The following RAD17 variants were observed in gnomAD, a reference collection of about 807,000 sequenced individuals.
The protein encoded by RAD17 is RAD17 checkpoint clamp loader component.
Under a neutral mutation model 81.5 loss-of-function variants are expected in RAD17, and 31 were observed. That is an observed-to-expected ratio of 0.38 (90% CI 0.29 to 0.51). The LOEUF is 0.51. RAD17 is among the 20% of genes least tolerant of loss of function. The pLI is 0.88. For missense variants in RAD17, 681 were observed against 781.2 expected (o/e 0.87, Z 1.53); for synonymous variants, 261 against 266.2 (o/e 0.98, Z 0.19).
At chr5:69,411,879 G>A (rs1335996280) in intron 18 of RAD17, among the ~76,000 whole-genome samples, 1 of 152,192 alleles carries the variant, frequency 6.6e-6, no homozygotes. Flanking sequence ...ATTTACACAA[G>A]GCTAAATTGA....
intron 6 of RAD17, 84 bp downstream of exon 6, chr5:69,374,795 ATGAT>A: frequency 8.3e-7 from 1 of 1,197,798 alleles, no homozygotes; most frequent in East Asian, 2.4e-5. Flanking sequence ...AAGTTTTATG[ATGAT>A]TTTGTTCAAA....
At chr5:69,409,786 T>C (rs778480432) in intron 17 of RAD17, among the ~76,000 whole-genome samples, 2 of 152,222 alleles carry the variant, frequency 1.3e-5, no homozygotes, top group Non-Finnish European at 2.9e-5. Context: ...TCCGAAACTT[T>C]TGCTTCTTGC....
intron 16 of RAD17, 94 bp downstream of exon 16, chr5:69,396,640 CAA>C: frequency 8.1e-7 from 1 of 1,233,950 alleles, no homozygotes. Flanking sequence ...TAAAACATAA[CAA>C]AGGAAAAAAT....
intron 17 of RAD17, among the ~76,000 whole-genome samples, chr5:69,406,639 AC>A (rs1393195852): frequency 1.3e-5 from 2 of 151,428 alleles, no homozygotes; most frequent in African/African-American, 4.9e-5. Flanking sequence ...GTAGCTGGTA[AC>A]CACAGGTGCG....
In RAD17 at chr5:69,377,539, G is replaced by A. The variant is rs1430170004; in HGVS notation, c.351+2828G>A. Among the ~76,000 whole-genome samples the A allele has an allele frequency of 2.3e-4, 4 of 17,250 alleles. 1 individual carries two copies. The highest frequency in any genetic ancestry group is 1.8e-3 in the South Asian group (1 of 546). The allele number at this position is 17,250 out of a possible 152,430, so 11.3% of individuals were successfully genotyped here. A position where few individuals can be genotyped will look rare whatever the true frequency, so the allele number is the denominator to read the frequency against. On this transcript the variant is annotated intron_variant, in intron 6 of 18. Coordinates refer to ENST00000354868, the MANE Select transcript of RAD17 (RefSeq NM_133338.3). ...TACGTATATATATGTGTATATATAC[G>A]TATATATATGCATATATATGTATAT...
At chr5:69,399,549 A>C (rs755395517) in intron 16 of RAD17, among the ~76,000 whole-genome samples, 23 of 152,332 alleles carry the variant, frequency 1.5e-4, no homozygotes, top group Admixed American at 3.3e-4. Flanking sequence ...AATGACTTTT[A>C]AGCAATTTAT....
In RAD17 at chr5:69,371,517, T is replaced by A; in HGVS notation, c.-216T>A. On this transcript the variant is annotated 5_prime_UTR_variant, in exon 3 of 19. It removes an upstream start codon present in the reference 5' UTR. Transcript: ENST00000354868. The stretch of plus-strand genomic sequence containing the variant: ...GGATGGGAACTATTACAGTTTATAA[T>A]GTCAAAAACTTTTCTTAGACCAAAG... 2 of 1,424,358 alleles carry A rather than the reference T, an allele frequency of 1.4e-6. No individual in the cohort carries two copies. Among genetic ancestry groups the A allele is most frequent in the Non-Finnish European group, 1.9e-6 (2 of 1,067,150 alleles). 88.2% of individuals were successfully genotyped at this position (1,424,358 alleles called of 1,614,324 possible). A position where few individuals can be genotyped will look rare whatever the true frequency, so the allele number is the denominator to read the frequency against.
At chr5:69,411,927 C>T (rs555279640) in intron 18 of RAD17, among the ~76,000 whole-genome samples, 3 of 152,212 alleles carry the variant, frequency 2.0e-5, no homozygotes, top group African/African-American at 7.2e-5. Flanking sequence ...GTTCAACTAC[C>T]TACTTGATGT....
intron 1 of RAD17, among the ~76,000 whole-genome samples, chr5:69,370,494 C>T (rs1762881483): frequency 6.6e-6 from 1 of 152,128 alleles, no homozygotes; most frequent in African/African-American, 2.4e-5. Context: ...CGCCCACCAC[C>T]ACGCCCGGCT....
At position 69,387,277 on chromosome 5, in the gene RAD17, A is replaced by T. The variant is rs979764824; in HGVS notation, c.894+812A>T. Among the ~76,000 whole-genome samples, 7 of 149,902 alleles carry T rather than the reference A, an allele frequency of 4.7e-5. 1 individual carries two copies. The South Asian group carries it at 1.2e-3, about 27-fold the overall frequency. On this transcript the variant is annotated intron_variant, in intron 11 of 18. Transcript: ENST00000354868. ...CTGTATTTCAAATCAAGATGATGTT[A>T]AAAAAAAATTGATGGACCTTCTGCT...
intron 18 of RAD17, among the ~76,000 whole-genome samples, chr5:69,412,350 G>C: frequency 6.6e-6 from 1 of 152,158 alleles, no homozygotes. Context: ...CATATGTTTA[G>C]TATTTAGTAT....
At chr5:69,369,480 G>C (rs146960635), upstream of RAD17, 28 of 1,611,236 alleles carry the variant, frequency 1.7e-5, no homozygotes, top group Non-Finnish European at 2.3e-5. Flanking sequence ...CAGGATGTTC[G>C]GAAGCAACAT....
rs1763570883 is a variant in RAD17 at position 69,377,661 on chromosome 5, GTATA to G, written c.351+2951_351+2954del. On this transcript the variant is annotated intron_variant, in intron 6 of 18. Coordinates refer to ENST00000354868, the MANE Select transcript of RAD17 (RefSeq NM_133338.3). The stretch of plus-strand genomic sequence containing the variant: ...TACATATATATATGCATATATATAT[GTATA>G]CATATATATATGCATATATATATAT... Among the ~76,000 whole-genome samples the G allele has an allele frequency of 6.6e-5, 5 of 75,634 alleles. 2 individuals are homozygous for G. The highest frequency in any genetic ancestry group is 2.1e-4 in the African/African-American group (5 of 23,286). 49.6% of individuals were successfully genotyped at this position (75,634 alleles called of 152,430 possible).
chr5:69,410,327 G>GT (rs1029147742), intron 17 of RAD17, among the ~76,000 whole-genome samples, 166 bp from the exon 18 acceptor site: 3 of 152,038 alleles, frequency 2.0e-5, no homozygotes, highest in African/African-American at 7.2e-5. Flanking sequence ...TTGTTTTCTG[G>GT]TTTTTTGTAA....
chr5:69,401,861 A>G (rs1765290243), intron 17 of RAD17, among the ~76,000 whole-genome samples: 1 of 148,156 alleles, frequency 6.7e-6, no homozygotes. Flanking sequence ...CAAAAAAACC[A>G]GGCCTGGTGG....
At chr5:69,387,139 G>A (rs1764263816) in intron 11 of RAD17, among the ~76,000 whole-genome samples, 1 of 152,098 alleles carries the variant, frequency 6.6e-6, no homozygotes, top group South Asian at 2.1e-4. Flanking sequence ...TGCCCAGGCT[G>A]GTCTCGAATT....
chr5:69,414,416 G>A lies in RAD17; in HGVS notation c.*124G>A, dbSNP rs1394319556. The A allele has an allele frequency of 8.8e-7, 1 of 1,138,410 alleles. No individual in the cohort carries two copies. Among genetic ancestry groups the A allele is most frequent in the Non-Finnish European group, 1.2e-6 (1 of 812,862 alleles). 70.5% of individuals were successfully genotyped at this position (1,138,410 alleles called of 1,614,324 possible). ...AACAGTTTGTTAATTCTTCATTCTT[G>A]TAGTATTTCATCACAAGAAACCTAC... On this transcript the variant is annotated 3_prime_UTR_variant, in exon 19 of 19. Transcript: ENST00000354868.
Position 69,392,298 on chromosome 5 carries a change from T to C in RAD17, c.1189+285T>C, listed in dbSNP as rs556214148. ...TAAGAGAGCAGATCATCTAGACTTG[T>C]AGTGGCAAGTGTTGGTAGCCTAAAG... is the stretch of plus-strand genomic sequence containing the variant. On this transcript the variant is annotated intron_variant, in intron 13 of 18. Coordinates refer to ENST00000354868, the MANE Select transcript of RAD17 (RefSeq NM_133338.3). 9.2e-5 allele frequency among the ~76,000 whole-genome samples: 14 copies of C among 152,326 alleles called. No homozygotes were observed. The East Asian group carries it at 2.5e-3, about 27-fold the overall frequency.
intron 17 of RAD17, among the ~76,000 whole-genome samples, chr5:69,409,426 T>C (rs1410395564): frequency 6.6e-6 from 1 of 152,164 alleles, no homozygotes; most frequent in Non-Finnish European, 1.5e-5. Context: ...AGCTGAGCCC[T>C]CTCAGCTCAG....
Sources: allele counts gnomAD v4.1 joint callset (sites outside exome capture counted in the v4.1 genomes callset), GRCh38; gene constraint gnomAD v4.1.1; transcripts MANE v1.5; gene names NCBI Gene and HGNC (gene_info 2026-07-23, HGNC 2026-07-21).